PCNX3: variants seen among roughly 807,000 people sequenced by gnomAD.
PCNX3 encodes the protein pecanex-like protein 3.
In PCNX3, 58 loss-of-function variants were observed where a neutral mutation model predicts 207.2. The ratio of observed to expected loss-of-function variants is 0.28; its 90% confidence interval spans 0.23 to 0.35. PCNX3 has a LOEUF of 0.35. Among genes scored for constraint, PCNX3 ranks in the 10% least tolerant of loss-of-function variants. The pLI is 1.00. For missense variants in PCNX3, 2,410 were observed against 2,774.4 expected (o/e 0.87, Z 2.95); for synonymous variants, 1,337 against 1,183.5 (o/e 1.13, Z -2.66).
intron 5 of PCNX3, 37 bp downstream of exon 5, chr11:65,617,743 G>A (rs770035994): frequency 6.5e-7 from 1 of 1,546,622 alleles, no homozygotes; most frequent in Admixed American, 2.0e-5. Context: ...TTGTGGGCTA[G>A]ACCAGCTGTT....
chr11:65,625,090 C>G lies in PCNX3; in HGVS notation c.2919+74C>G. 1 of 1,557,554 alleles carries G rather than the reference C, an allele frequency of 6.4e-7. No homozygotes were observed. Among genetic ancestry groups the G allele is most frequent in the Non-Finnish European group, 8.8e-7 (1 of 1,141,810 alleles). Reference sequence around the variant, plus strand: ...TTGGGGCGGGGCTGTGAACTGGGCTCAGCAGTGGCTTCTCACACGGGGGCA... The same window carrying G: ...TTGGGGCGGGGCTGTGAACTGGGCTGAGCAGTGGCTTCTCACACGGGGGCA... On this transcript the variant is annotated intron_variant, in intron 16 of 34. Coordinates refer to ENST00000355703, the MANE Select transcript of PCNX3 (RefSeq NM_032223.4). The surrounding 1 kb of genome is among the most constrained non-coding windows in gnomAD (Gnocchi z 5.6).
At position 65,617,658 on chromosome 11, in the gene PCNX3, A is replaced by T. The variant is rs1298474600; in HGVS notation, c.529A>T (p.Thr177Ser). The change falls in exon 5 of 35, where the codon ACT becomes TCT. Residue 177 changes from threonine (T) to serine (S), a missense_variant. Thr to Ser is a moderately conservative substitution (Grantham distance 58). Coordinates refer to ENST00000355703, the MANE Select transcript of PCNX3 (RefSeq NM_032223.4). ...GCAGGGCAGCAACAATGTGATCGTG[A>T]CTTCTGCCGACCGAGAGATGCTGAA... ...REQGSNNVIVTSADREMLKLS... is the reference protein window; with the variant it reads ...REQGSNNVIVSSADREMLKLS... The T allele has an allele frequency of 6.3e-7, 1 of 1,592,148 alleles. No individual in the cohort carries two copies. The highest frequency in any genetic ancestry group is 1.8e-5 in the Admixed American group (1 of 55,196).
chr11:65,632,759 T>A (rs1422758962), intron 27 of PCNX3, among the ~76,000 whole-genome samples: 2 of 150,822 alleles, frequency 1.3e-5, no homozygotes, highest in African/African-American at 4.9e-5. Context: ...TTTTATTTTT[T>A]TTTGAAACAA....
rs1345695785 is a variant in PCNX3, at chr11:65,617,654, C to G, written c.525C>G (p.Ile175Met). The change falls in exon 5 of 35, where the codon ATC becomes ATG. Residue 175 changes from isoleucine (I) to methionine (M), a missense_variant. Physicochemically the swap from Ile to Met is conservative, Grantham distance 10 (BLOSUM62 1). Transcript: ENST00000355703. The stretch of plus-strand genomic sequence containing the variant: ...GGGAGCAGGGCAGCAACAATGTGAT[C>G]GTGACTTCTGCCGACCGAGAGATGC... ...LVREQGSNNV[I>M]VTSADREMLK... The G allele has an allele frequency of 2.5e-6, 4 of 1,597,016 alleles. No homozygotes were observed. Among genetic ancestry groups the G allele is most frequent in the Admixed American group, 3.6e-5 (2 of 56,062 alleles).
intron 1 of PCNX3, among the ~76,000 whole-genome samples, 177 bp from the exon 2 acceptor site, chr11:65,616,647 A>G (rs1854745226): frequency 6.6e-6 from 1 of 152,156 alleles, no homozygotes; most frequent in African/African-American, 2.4e-5. Flanking sequence ...CCCTACACTT[A>G]ATCTCATCCA....
chr11:65,634,789 C>G (rs1002353443), intron 29 of PCNX3, 148 bp downstream of exon 29: 6 of 1,194,286 alleles, frequency 5.0e-6, no homozygotes, highest in Admixed American at 2.5e-5. Flanking sequence ...CAGGGCACTT[C>G]CTGGTCATGA....
chr11:65,630,667 G>A, intron 27 of PCNX3, 63 bp downstream of exon 27: 1 of 1,561,492 alleles, frequency 6.4e-7, no homozygotes, highest in Admixed American at 1.8e-5. Context: ...CTGACCAGAG[G>A]CCCCAGTACC....
At position 65,635,290 on chromosome 11, in the gene PCNX3, C is replaced by T. The variant is rs758775869; in HGVS notation, c.5026C>T (p.Arg1676Trp). 36 of 1,593,876 alleles carry T rather than the reference C, an allele frequency of 2.3e-5. No homozygotes were observed. The highest frequency in any genetic ancestry group is 2.8e-5 in the Non-Finnish European group (33 of 1,171,142). The change falls in exon 31 of 35, where the codon CGG becomes TGG. Residue 1676 changes from arginine (R) to tryptophan (W), a missense_variant. Around this residue, in one of 8 missense-constraint regions of PCNX3, gnomAD observed 420 missense variants for 705.3 expected, o/e 0.60. Transcript: ENST00000355703. This position sits in a 1 kb window ranked among gnomAD's most constrained non-coding sequence, Gnocchi z 9.9. ...CGATGCCATTGCGGCCAACGAGGAG[C>T]GGCTGGTCATCTCACATGAGGGTGA... ...LYDAIAANEE[R>W]LVISHEGDPA...
At position 65,637,377 on chromosome 11, in the gene PCNX3, CTTTT is replaced by C. The variant is rs377458419; in HGVS notation, c.*414_*417del. ...TTCTTTCTTTCCTTTTTTTTCTTTT[CTTTT>C]TTTTTTTTTTTTTTGTGCTTCGGAG... On this transcript the variant is annotated 3_prime_UTR_variant, in exon 35 of 35. Transcript: ENST00000355703. The C allele has an allele frequency of 7.4e-4, 99 of 132,902 alleles. No homozygotes were observed. Among genetic ancestry groups the C allele is most frequent in the South Asian group, 2.8e-3 (14 of 4,974 alleles). 8.2% of individuals were successfully genotyped at this position (132,902 alleles called of 1,614,324 possible).
At chr11:65,627,688 G>A in intron 22 of PCNX3, 106 bp downstream of exon 22, 1 of 1,373,050 alleles carries the variant, frequency 7.3e-7, no homozygotes, top group Non-Finnish European at 1.0e-6. Flanking sequence ...CCACCGCTCT[G>A]TATCAGCCCC....
chr11:65,619,703 G>T, intron 7 of PCNX3, 43 bp downstream of exon 7: 1 of 1,567,658 alleles, frequency 6.4e-7, no homozygotes, highest in Non-Finnish European at 8.6e-7. Context: ...CGGGGGCCGG[G>T]GAGGGCCCGC....
chr11:65,628,898 C>A lies in PCNX3; in HGVS notation c.3891C>A (p.Val1297=). ...TPLNPLLGSA[V]FIMSYARPLK... ...TCAACCCACTGCTAGGCAGTGCCGT[C>A]TTCATCATGTCCTACGCTCGGCCCC... Residue 1297 remains valine (V), a synonymous_variant, in exon 24 of 35, where the codon GTC becomes GTA. Coordinates refer to ENST00000355703, the MANE Select transcript of PCNX3 (RefSeq NM_032223.4). The A allele has an allele frequency of 6.2e-7, 1 of 1,612,798 alleles. No homozygotes were observed. Among genetic ancestry groups the A allele is most frequent in the East Asian group, 2.2e-5 (1 of 44,878 alleles).
In PCNX3 at chr11:65,637,075, C is replaced by A; in HGVS notation, c.*97C>A. ...CACAGAACTGAGTGGCTTTGGCCTA[C>A]ATGTCTGAACCCTGACCTTTGGCTG... On this transcript the variant is annotated 3_prime_UTR_variant, in exon 35 of 35. Coordinates refer to ENST00000355703, the MANE Select transcript of PCNX3 (RefSeq NM_032223.4). 1 of 1,345,256 alleles carries A rather than the reference C, an allele frequency of 7.4e-7. No individual in the cohort carries two copies. The highest frequency in any genetic ancestry group is 1.0e-6 in the Non-Finnish European group (1 of 989,332). 83.3% of individuals were successfully genotyped at this position (1,345,256 alleles called of 1,614,324 possible).
chr11:65,617,363 G>A lies in PCNX3; in HGVS notation c.441+14G>A. On this transcript the variant is annotated intron_variant, in intron 3 of 34. Coordinates refer to ENST00000355703, the MANE Select transcript of PCNX3 (RefSeq NM_032223.4). ...AACCAGGTCTCGGTGAGTGGGCCTG[G>A]ACCTCAGCTTGTCCTCCTGTCCCTC... is the stretch of plus-strand genomic sequence containing the variant. The A allele has an allele frequency of 6.2e-7, 1 of 1,613,228 alleles. No individual in the cohort carries two copies.
At chr11:65,620,708 C>T in intron 9 of PCNX3, 123 bp from the exon 10 acceptor site, 1 of 1,331,876 alleles carries the variant, frequency 7.5e-7, no homozygotes. Context: ...CAGCACTTGT[C>T]CCTTGAGCCC....
At chr11:65,626,662 C>T (rs1855406053) in intron 20 of PCNX3, 5 of 571,924 alleles carry the variant, frequency 8.7e-6, no homozygotes, top group South Asian at 8.0e-5. Context: ...CATCATTGGC[C>T]TTGTTTTAAC....
intron 9 of PCNX3, among the ~76,000 whole-genome samples, 160 bp downstream of exon 9, chr11:65,620,589 G>A (rs1054561935): frequency 5.9e-5 from 9 of 152,162 alleles, no homozygotes; most frequent in Non-Finnish European, 1.0e-4. Flanking sequence ...AGACCTCCTG[G>A]GGTCCCTGGC....
chr11:65,616,784 A>C, intron 1 of PCNX3, 40 bp from the exon 2 acceptor site: 1 of 1,588,842 alleles, frequency 6.3e-7, no homozygotes, highest in Non-Finnish European at 8.6e-7. Flanking sequence ...TGTGGGGGCG[A>C]GGCTTTGTGA....
rs1446263185 is a variant in PCNX3, at chr11:65,618,463, A to G, written c.1101A>G (p.Gly367=). The change falls in exon 6 of 35, where the codon GGA becomes GGG. Residue 367 remains glycine, a synonymous_variant. Coordinates refer to ENST00000355703, the MANE Select transcript of PCNX3 (RefSeq NM_032223.4). ...TGCGTTCCTTTGACACGGTCATTGG[A>G]GCAGGGACGCCACCGGGCCTGGCTG... ...DTLRSFDTVI[G]AGTPPGLAEP... 6.2e-7 allele frequency: 1 copy of G among 1,609,462 alleles called. No homozygotes were observed. The highest frequency in any genetic ancestry group is 1.7e-5 in the Admixed American group (1 of 59,366).
Sources: gnomAD v4.1 joint callset for allele counts (sites outside exome capture counted in the v4.1 genomes callset) on GRCh38, gnomAD v4.1.1 for gene constraint, gnomAD v4.1.1 regional missense constraint, Gnocchi (gnomAD v3.1) non-coding constraint, MANE v1.5 for transcripts, NCBI Gene and HGNC (gene_info 2026-07-23, HGNC 2026-07-21) for gene names.